PRKAR1B: variants seen among roughly 807,000 people sequenced by gnomAD.
PRKAR1B encodes the protein cAMP-dependent protein kinase type I-beta regulatory subunit.
PRKAR1B carries 22 observed loss-of-function variants against 46.5 expected under a neutral mutation model. That is an observed-to-expected ratio of 0.47 (90% CI 0.34 to 0.68). PRKAR1B has a LOEUF of 0.68. PRKAR1B is among the 30% of genes least tolerant of loss of function. PRKAR1B has a pLI of 0.01. For missense variants in PRKAR1B, 445 were observed against 535.6 expected, an observed-to-expected ratio of 0.83 and a Z score of 1.67; for synonymous variants, 259 against 217.7, an observed-to-expected ratio of 1.19 and a Z score of -1.67.
intron 5 of PRKAR1B, among the ~76,000 whole-genome samples, chr7:606,876 A>C (rs1417666480): frequency 6.7e-6 from 1 of 148,882 alleles, no homozygotes; most frequent in Non-Finnish European, 1.5e-5. Flanking sequence ...TATCTATTTT[A>C]TACACACACA....
At chr7:623,778 C>G (rs1020341714) in intron 4 of PRKAR1B, among the ~76,000 whole-genome samples, 1 of 152,256 alleles carries the variant, frequency 6.6e-6, no homozygotes, top group Admixed American at 6.5e-5. Flanking sequence ...GTCTTCCATG[C>G]CATGCTTTAA....
At chr7:572,806 T>A (rs534379379) in intron 9 of PRKAR1B, among the ~76,000 whole-genome samples, 18 of 152,156 alleles carry the variant, frequency 1.2e-4, no homozygotes, top group African/African-American at 3.6e-4. Context: ...TGAGGCCTCA[T>A]GCACAGGGCA....
intron 2 of PRKAR1B, among the ~76,000 whole-genome samples, chr7:693,489 G>C (rs764853341): frequency 2.0e-5 from 3 of 151,676 alleles, no homozygotes; most frequent in Non-Finnish European, 2.9e-5. Context: ...CTTCACAGAA[G>C]CGGAATTGCG....
intron 1 of PRKAR1B, among the ~76,000 whole-genome samples, chr7:712,174 G>A (rs1562360157): frequency 7.0e-6 from 1 of 142,118 alleles, no homozygotes; most frequent in Non-Finnish European, 1.6e-5. Context: ...CCGCCACGCC[G>A]CCCCCGGAGT....
intron 4 of PRKAR1B, among the ~76,000 whole-genome samples, chr7:617,773 G>C (rs1330099155): frequency 6.6e-6 from 1 of 152,132 alleles, no homozygotes; most frequent in Non-Finnish European, 1.5e-5. Context: ...GCCCCTCCCG[G>C]AGCAGAGCCC....
At chr7:608,534 TC>T (rs1782247019) in intron 4 of PRKAR1B, 1 of 152,464 alleles carries the variant, frequency 6.6e-6, no homozygotes, top group Admixed American at 6.5e-5. Context: ...GAGTCCTTGT[TC>T]CCAACTTCCC....
upstream of PRKAR1B, chr7:727,594 T>G: frequency 2.2e-5 from 4 of 183,776 alleles, no homozygotes; most frequent in Non-Finnish European, 3.3e-5. Flanking sequence ...ATGTACCTGT[T>G]TCCTGCGCTG....
intron 2 of PRKAR1B, among the ~76,000 whole-genome samples, chr7:705,959 G>C (rs1254039355): frequency 6.6e-6 from 1 of 151,982 alleles, no homozygotes; most frequent in African/African-American, 2.4e-5. Flanking sequence ...CCAGGAGGCA[G>C]AGGTTGCAGT....
intron 2 of PRKAR1B, among the ~76,000 whole-genome samples, chr7:688,092 C>T (rs1251639922): frequency 3.4e-4 from 35 of 103,462 alleles, no homozygotes; most frequent in East Asian, 1.1e-3. Flanking sequence ...CAACACTCCA[C>T]CTCAAAAAAA....
At position 584,952 on chromosome 7, in the gene PRKAR1B, CA is replaced by C. The variant is rs558863929; in HGVS notation, c.709-385del. ...ACATCTGGAGAAACTGAGGCCAACA[CA>C]GAGACTCAAGCACATGACGTAGAAG... On this transcript the variant is annotated intron_variant, in intron 7 of 10. Transcript: ENST00000537384. Among the ~76,000 whole-genome samples the C allele has an allele frequency of 9.7e-4, 148 of 152,232 alleles. 2 individuals carry two copies. The highest frequency in any genetic ancestry group is 6.8e-3 in the Middle Eastern group (2 of 294).
chr7:559,706 G>A (rs998155224), intron 9 of PRKAR1B, among the ~76,000 whole-genome samples: 1 of 152,192 alleles, frequency 6.6e-6, no homozygotes, highest in Non-Finnish European at 1.5e-5. Context: ...GAGTCAGGGA[G>A]GCCAGGAAAA....
chr7:627,985 T>G (rs1262244242), intron 4 of PRKAR1B, among the ~76,000 whole-genome samples: 2 of 150,854 alleles, frequency 1.3e-5, no homozygotes, highest in African/African-American at 2.4e-5. Context: ...CTTCTGACTG[T>G]CACTCACGGA....
chr7:551,845 C>T (rs896199194), intron 9 of PRKAR1B, among the ~76,000 whole-genome samples: 2 of 140,142 alleles, frequency 1.4e-5, no homozygotes, highest in African/African-American at 2.7e-5. Context: ...TCTCCCAGAG[C>T]CACTGCCACC....
intron 4 of PRKAR1B, among the ~76,000 whole-genome samples, chr7:638,557 T>C (rs1784240329): frequency 6.6e-6 from 1 of 152,052 alleles, no homozygotes; most frequent in Admixed American, 6.5e-5. Context: ...CGACCCTTCC[T>C]CAATGCCAGC....
chr7:657,467 A>G (rs1482346816), intron 4 of PRKAR1B, among the ~76,000 whole-genome samples: 1 of 152,172 alleles, frequency 6.6e-6, no homozygotes, highest in Non-Finnish European at 1.5e-5. Flanking sequence ...CTCCCTCAAT[A>G]CCCCATATTT....
chr7:709,957 A>G (rs1780534187), intron 2 of PRKAR1B, among the ~76,000 whole-genome samples: 1 of 152,224 alleles, frequency 6.6e-6, no homozygotes, highest in Non-Finnish European at 1.5e-5. Flanking sequence ...CTACGTTTTT[A>G]TAAAAACATT....
In PRKAR1B at chr7:612,205, C is replaced by T. The variant is rs570779233; in HGVS notation, c.441-4753G>A. Among the ~76,000 whole-genome samples the T allele has an allele frequency of 6.5e-4, 61 of 93,766 alleles. 1 individual carries two copies. The highest frequency in any genetic ancestry group is 0.014 in the Middle Eastern group (1 of 74). 61.5% of individuals were successfully genotyped at this position (93,766 alleles called of 152,430 possible). A position where few individuals can be genotyped will look rare whatever the true frequency, so the allele number is the denominator to read the frequency against. On this transcript the variant is annotated intron_variant, in intron 4 of 10. Transcript: ENST00000537384. ...ATGTACAGGTGGGTGAGTAGATCAA[C>T]GGATGGATGGATGGATAGATGGACA...
In PRKAR1B at chr7:574,447, A is replaced by ATT. The variant is rs71546451; in HGVS notation, c.891+4807_891+4808dup. Reference sequence around the variant, plus strand: ...TTTTAAAGAGAATTAACAGATCCAGATTTTTTTTTTTTTTTGAGACAGGCT... The same window carrying ATT: ...TTTTAAAGAGAATTAACAGATCCAGATTTTTTTTTTTTTTTTTGAGACAGGCT... On this transcript the variant is annotated intron_variant, in intron 9 of 10. Transcript: ENST00000537384. 1.4e-3 allele frequency among the ~76,000 whole-genome samples: 206 copies of ATT among 145,768 alleles called. 3 individuals carry two copies. The highest frequency in any genetic ancestry group is 3.6e-3 in the African/African-American group (142 of 39,840).
At chr7:592,679 G>A (rs190880589) in intron 7 of PRKAR1B, among the ~76,000 whole-genome samples, 46 of 152,336 alleles carry the variant, frequency 3.0e-4, no homozygotes, top group Middle Eastern at 3.4e-3. Context: ...GCTTCCAAAC[G>A]CTGAGGTCCT....
Sources: allele counts gnomAD v4.1 joint callset (sites outside exome capture counted in the v4.1 genomes callset), GRCh38; gene constraint gnomAD v4.1.1; transcripts MANE v1.5; gene names NCBI Gene and HGNC (gene_info 2026-07-23, HGNC 2026-07-21).